VIT: variants seen among roughly 807,000 people sequenced by gnomAD.
The protein encoded by VIT is vitrin.
A neutral mutation model predicts 78.0 loss-of-function variants in VIT; 99 were observed. The observed-to-expected ratio is 1.27, with a 90% CI of 1.08 to 1.50. The LOEUF (loss-of-function observed/expected upper bound fraction) is 1.50, where lower values mean the gene tolerates loss of function less well. Among genes scored for constraint, VIT ranks in the 40% most tolerant of loss-of-function variants. The pLI is 0.00. For missense variants in VIT, 1,126 were observed against 875.3 expected (o/e 1.29, Z -3.61); for synonymous variants, 374 against 334.3 (o/e 1.12, Z -1.29).
At position 36,808,908 on chromosome 2, in the gene VIT, G is replaced by A. The variant is rs1423441359; in HGVS notation, c.1826G>A (p.Arg609Lys). The change falls in exon 15 of 16, where the codon AGG becomes AAG. Residue 609 changes from arginine to lysine, a missense_variant. Transcript: ENST00000379242. ...TTCAAGAAGTCCAAGCCCAACAAGA[G>A]GAAGTTAATGATCCTCATCACCGAC... ...QLFKKSKPNK[R>K]KLMILITDGR... The A allele has an allele frequency of 1.2e-6, 2 of 1,613,920 alleles. No individual in the cohort carries two copies. Among genetic ancestry groups the A allele is most frequent in the South Asian group, 1.1e-5 (1 of 91,070 alleles).
In VIT at chr2:36,743,104, G is replaced by T; in HGVS notation, c.123G>T (p.Val41=). The change falls in exon 4 of 16, where the codon GTG becomes GTT. Residue 41 remains valine, a synonymous_variant. Coordinates refer to ENST00000379242, the MANE Select transcript of VIT (RefSeq NM_053276.4). ...GACCTCATTTTGTATTCCCAGCTGT[G>T]CCTCAGATCAACTGCGATGTCAAAG... ...AKKIKRPKFT[V]PQINCDVKAG... 1 of 1,613,978 alleles carries T rather than the reference G, an allele frequency of 6.2e-7. No individual in the cohort carries two copies. Among genetic ancestry groups the T allele is most frequent in the South Asian group, 1.1e-5 (1 of 91,060 alleles).
chr2:36,764,067 C>A (rs116356831), intron 6 of VIT, among the ~76,000 whole-genome samples: 1,700 of 152,300 alleles, frequency 0.011, 53 homozygotes, highest in African/African-American at 0.038. Context: ...TTAGCAAAGG[C>A]AGACTGGGAT....
At chr2:36,757,061 G>C (rs1016331111) in intron 5 of VIT, among the ~76,000 whole-genome samples, 3 of 152,140 alleles carry the variant, frequency 2.0e-5, no homozygotes, top group Admixed American at 2.0e-4. Context: ...TTCTGCAATG[G>C]CTTGGAAGCC....
In VIT at chr2:36,716,433, T is replaced by C; in HGVS notation, c.52+11T>C. 6.2e-7 allele frequency: 1 copy of C among 1,613,364 alleles called. No individual in the cohort carries two copies. Among genetic ancestry groups the C allele is most frequent in the Non-Finnish European group, 8.5e-7 (1 of 1,179,564 alleles). On this transcript the variant is annotated intron_variant, in intron 2 of 15. Transcript: ENST00000379242. ...TTGAAATGTTCCTTGGTAAGTACTT[T>C]TATATGTGTATCTGGATACCCTTTT... is the stretch of plus-strand genomic sequence containing the variant.
rs953721138 is a variant in VIT at position 36,767,395 on chromosome 2, G to A, written c.679+110G>A. The A allele has an allele frequency of 2.6e-6, 3 of 1,161,418 alleles. No individual in the cohort carries two copies. The African/African-American group carries it at 4.9e-5, about 19-fold the overall frequency. 71.9% of individuals were successfully genotyped at this position (1,161,418 alleles called of 1,614,324 possible). On this transcript the variant is annotated intron_variant, in intron 7 of 15. Coordinates refer to ENST00000379242, the MANE Select transcript of VIT (RefSeq NM_053276.4). ...TGGGCTGGGTGAATGGGGAGCACTG[G>A]AGAACTGGGCCGGGGGTATGTTATT... is the stretch of plus-strand genomic sequence containing the variant.
At chr2:36,769,919 G>C (rs940657483) in intron 7 of VIT, among the ~76,000 whole-genome samples, 8 of 152,152 alleles carry the variant, frequency 5.3e-5, no homozygotes, top group Non-Finnish European at 2.9e-5. Flanking sequence ...GATATTTGCT[G>C]TGATATTTCA....
chr2:36,790,007 G>A (rs1665377444), intron 12 of VIT, among the ~76,000 whole-genome samples: 1 of 152,136 alleles, frequency 6.6e-6, no homozygotes, highest in Non-Finnish European at 1.5e-5. Context: ...GTTTCCTTAG[G>A]AGAGCTGAGT....
intron 2 of VIT, among the ~76,000 whole-genome samples, chr2:36,728,078 G>A (rs1666963791): frequency 6.6e-6 from 1 of 152,024 alleles, no homozygotes; most frequent in South Asian, 2.1e-4. Context: ...ACAGGCGTGT[G>A]CCACCACTCC....
intron 12 of VIT, among the ~76,000 whole-genome samples, chr2:36,795,356 TTTTATTTTA>T (rs1171955220): frequency 3.6e-5 from 3 of 83,486 alleles, no homozygotes; most frequent in Non-Finnish European, 5.1e-5. Flanking sequence ...TTTTATTTTA[TTTTATTTTA>T]TTTATTTTAT....
At chr2:36,708,387 G>A (rs1665584424) in intron 1 of VIT, among the ~76,000 whole-genome samples, 1 of 152,192 alleles carries the variant, frequency 6.6e-6, no homozygotes, top group South Asian at 2.1e-4. Context: ...CCCCGATGTA[G>A]CATTGTAGAT....
At chr2:36,802,115 A>G in intron 13 of VIT, among the ~76,000 whole-genome samples, 1 of 152,324 alleles carries the variant, frequency 6.6e-6, no homozygotes, top group East Asian at 1.9e-4. Context: ...GTCTTCTGTG[A>G]TATCTGAGCC....
At chr2:36,709,658 G>A (rs185496726) in intron 1 of VIT, among the ~76,000 whole-genome samples, 2 of 152,266 alleles carry the variant, frequency 1.3e-5, no homozygotes, top group Admixed American at 1.3e-4. Context: ...CTTGAAAGAT[G>A]GATGGGTTTG....
chr2:36,783,735 C>T (rs935838952), intron 11 of VIT, among the ~76,000 whole-genome samples: 1 of 151,888 alleles, frequency 6.6e-6, no homozygotes, highest in Non-Finnish European at 1.5e-5. Context: ...GGCCAGAACT[C>T]GGAGTTGGAA....
chr2:36,744,697 T>G (rs1306897830), intron 4 of VIT, among the ~76,000 whole-genome samples: 1 of 152,168 alleles, frequency 6.6e-6, no homozygotes, highest in Non-Finnish European at 1.5e-5. Context: ...ATTAAGTCCC[T>G]TATAGATTCT....
At chr2:36,731,313 C>T (rs536567966) in intron 3 of VIT, among the ~76,000 whole-genome samples, 36 of 152,098 alleles carry the variant, frequency 2.4e-4, no homozygotes, top group African/African-American at 6.3e-4. Flanking sequence ...CTCACTCTGT[C>T]GCCAGGCTGG....
chr2:36,706,104 A>G (rs531850044), intron 1 of VIT, among the ~76,000 whole-genome samples: 43 of 152,152 alleles, frequency 2.8e-4, no homozygotes, highest in African/African-American at 9.6e-4. Flanking sequence ...ACCCACTTCC[A>G]CTTTTTATTT....
chr2:36,734,172 A>C (rs1667369974), intron 3 of VIT, among the ~76,000 whole-genome samples: 1 of 152,180 alleles, frequency 6.6e-6, no homozygotes, highest in Non-Finnish European at 1.5e-5. Context: ...GGACTTGTAA[A>C]ATGTGATAAC....
chr2:36,719,444 C>A (rs865940217), intron 2 of VIT, among the ~76,000 whole-genome samples: 4 of 152,106 alleles, frequency 2.6e-5, no homozygotes, highest in Non-Finnish European at 5.9e-5. Flanking sequence ...AAAGACTCCA[C>A]CAAAAACCTG....
chr2:36,701,718 G>A (rs1350473371), intron 1 of VIT, among the ~76,000 whole-genome samples: 2 of 152,160 alleles, frequency 1.3e-5, no homozygotes. Flanking sequence ...CCCTTCACCA[G>A]GCTTCTTTTT....
Sources: gnomAD v4.1 joint callset for allele counts (sites outside exome capture counted in the v4.1 genomes callset) on GRCh38, gnomAD v4.1.1 for gene constraint, MANE v1.5 for transcripts, NCBI Gene and HGNC (gene_info 2026-07-23, HGNC 2026-07-21) for gene names.